Variants in ADAMTS17 observed in about 807,000 individuals in gnomAD.
The protein encoded by ADAMTS17 is ADAM metallopeptidase with thrombospondin type 1 motif 17, also known as A disintegrin and metalloproteinase with thrombospondin motifs 17.
In ADAMTS17, 113 loss-of-function variants were observed where a neutral mutation model predicts 141.5. That is an observed-to-expected ratio of 0.80 (90% CI 0.69 to 0.93). ADAMTS17 has a LOEUF of 0.93. Among genes scored for constraint, ADAMTS17 ranks in the 40% least tolerant of loss-of-function variants. The probability of loss-of-function intolerance (pLI) is 0.00; values close to 1 mark genes in which losing one functional copy is unlikely to be tolerated. For synonymous variants in ADAMTS17, 768 were observed against 630.6 expected (o/e 1.22, Z -3.27); for missense variants, 1,659 against 1,517.9 (o/e 1.09, Z -1.54).
intron 8 of ADAMTS17, among the ~76,000 whole-genome samples, chr15:100,170,477 GT>G (rs2040118500): frequency 6.6e-6 from 1 of 152,168 alleles, no homozygotes; most frequent in Non-Finnish European, 1.5e-5. Context: ...CTACCTCAAA[GT>G]TTCTACCTTT....
Position 100,206,232 on chromosome 15 carries a change from G to C in ADAMTS17, c.1076-6809C>G, listed in dbSNP as rs2041552217. On this transcript the variant is annotated intron_variant, in intron 7 of 21. Transcript: ENST00000268070. ...AGAAAAGCCCTGTCTTCTAGCATTT[G>C]GCATTCAGGAAACACCATGCCCTGA... 2.0e-5 allele frequency among the ~76,000 whole-genome samples: 3 copies of C among 152,212 alleles called. No homozygotes were observed. The South Asian group carries it at 6.2e-4, about 32-fold the overall frequency.
intron 8 of ADAMTS17, among the ~76,000 whole-genome samples, chr15:100,176,327 C>T (rs1043594147): frequency 6.6e-6 from 1 of 152,112 alleles, no homozygotes; most frequent in African/African-American, 2.4e-5. Flanking sequence ...CATTAAGGAG[C>T]ACAGGTTCTC....
chr15:100,341,120 C>T lies in ADAMTS17; in HGVS notation c.369G>A (p.Glu123=). ...GCACACGGCCCGAGTAGAAGCACAG[C>T]TCGGCGGGGCGGCCGCGGCGCCGGG... ...GAARRRGRPA[E]LCFYSGRVLG... The change falls in exon 2 of 22, where the codon GAG becomes GAA. Residue 123 remains glutamate (E), a synonymous_variant. Transcript: ENST00000268070. The T allele has an allele frequency of 4.1e-6, 6 of 1,448,922 alleles. No homozygotes were observed. The highest frequency in any genetic ancestry group is 5.4e-6 in the Non-Finnish European group (6 of 1,109,880). 89.8% of individuals were successfully genotyped at this position (1,448,922 alleles called of 1,614,324 possible). A position where few individuals can be genotyped will look rare whatever the true frequency, so the allele number is the denominator to read the frequency against.
chr15:100,067,549 T>C (rs1223702527), intron 15 of ADAMTS17, among the ~76,000 whole-genome samples: 2 of 151,806 alleles, frequency 1.3e-5, no homozygotes, highest in African/African-American at 4.9e-5. Flanking sequence ...CACAAAGCTA[T>C]ATTATTAGTA....
chr15:100,254,168 C>G lies in ADAMTS17; in HGVS notation c.1043G>C (p.Cys348Ser). Reference sequence around the variant, plus strand: ...GTCACACGGTTCATCCTTGTGTACACAGAAATCTGTCCTAAAAAATAAAAA... The same window carrying G: ...GTCACACGGTTCATCCTTGTGTACAGAGAAATCTGTCCTAAAAAATAAAAA... Reference protein sequence around the residue: ...AAVFVTRTDFCVHKDEPCDTV... With the variant: ...AAVFVTRTDFSVHKDEPCDTV... The change falls in exon 7 of 22, where the codon TGT (cysteine) becomes TCT (serine). Residue 348 changes from cysteine (C) to serine (S), a missense_variant. Physicochemically the swap from Cys to Ser is moderately radical, Grantham distance 112. Transcript: ENST00000268070. The G allele has an allele frequency of 6.2e-7, 1 of 1,613,344 alleles. No homozygotes were observed. Among genetic ancestry groups the G allele is most frequent in the Non-Finnish European group, 8.5e-7 (1 of 1,179,326 alleles).
chr15:100,100,175 C>T (rs1171783980), intron 14 of ADAMTS17, among the ~76,000 whole-genome samples: 4 of 151,870 alleles, frequency 2.6e-5, no homozygotes, highest in Admixed American at 1.3e-4. Context: ...CAAGCAGACA[C>T]CCCAGAGTGT....
At chr15:100,211,069 C>G (rs1398674816) in intron 7 of ADAMTS17, among the ~76,000 whole-genome samples, 1 of 151,212 alleles carries the variant, frequency 6.6e-6, no homozygotes, top group African/African-American at 2.4e-5. Context: ...CACTGCACTC[C>G]AGCCTGGGTG....
chr15:100,066,912 G>A (rs12910953), intron 15 of ADAMTS17, among the ~76,000 whole-genome samples: 2 of 22,442 alleles, frequency 8.9e-5, no homozygotes, highest in African/African-American at 7.6e-5. Context: ...GATATTGAGA[G>A]GGCAGCCATC....
chr15:100,085,421 A>G (rs1421587487), intron 15 of ADAMTS17, among the ~76,000 whole-genome samples: 1 of 143,050 alleles, frequency 7.0e-6, no homozygotes, highest in Non-Finnish European at 1.5e-5. Flanking sequence ...AACACTCTGC[A>G]GGATATTATC....
At chr15:100,263,010 A>T (rs1468651736) in intron 4 of ADAMTS17, among the ~76,000 whole-genome samples, 1 of 152,242 alleles carries the variant, frequency 6.6e-6, no homozygotes, top group East Asian at 1.9e-4. Context: ...GTGCAAACAT[A>T]CATATACAGT....
chr15:100,051,493 T>C, intron 17 of ADAMTS17, 79 bp downstream of exon 17: 2 of 1,600,052 alleles, frequency 1.2e-6, no homozygotes, highest in Non-Finnish European at 1.7e-6. Context: ...TCTCACACTC[T>C]GCGTGCTGGC....
intron 7 of ADAMTS17, among the ~76,000 whole-genome samples, chr15:100,229,477 G>A (rs1190714345): frequency 6.6e-6 from 1 of 152,114 alleles, no homozygotes; most frequent in Non-Finnish European, 1.5e-5. Context: ...GTTCTATGAC[G>A]CACAGTGGTT....
intron 3 of ADAMTS17, among the ~76,000 whole-genome samples, chr15:100,317,536 C>G (rs8029814): frequency 0.04 from 6,126 of 152,154 alleles, 225 homozygotes; most frequent in African/African-American, 0.093. Flanking sequence ...CCAGATCCCT[C>G]CAGATGAGCC....
chr15:100,096,592 T>C, intron 14 of ADAMTS17, 116 bp from the exon 15 acceptor site: 1 of 1,361,626 alleles, frequency 7.3e-7, no homozygotes, highest in Non-Finnish European at 1.0e-6. Flanking sequence ...CCTGGGGCCC[T>C]GATCCATTCA....
chr15:100,233,781 G>C (rs1397088551), intron 7 of ADAMTS17, among the ~76,000 whole-genome samples: 1 of 151,926 alleles, frequency 6.6e-6, no homozygotes, highest in Non-Finnish European at 1.5e-5. Flanking sequence ...GAGTGTGCCG[G>C]GCCCAGGAAG....
intron 18 of ADAMTS17, among the ~76,000 whole-genome samples, chr15:100,011,650 T>C (rs1390299776): frequency 1.3e-5 from 2 of 152,216 alleles, no homozygotes; most frequent in Non-Finnish European, 2.9e-5. Flanking sequence ...GCATTGATCC[T>C]ATAAAGATCC....
chr15:100,164,374 G>A (rs1295392792), intron 8 of ADAMTS17, among the ~76,000 whole-genome samples: 1 of 133,070 alleles, frequency 7.5e-6, no homozygotes, highest in African/African-American at 2.9e-5. Flanking sequence ...GACTAAACAG[G>A]GATAATAATA....
chr15:100,061,096 G>A (rs958504406), intron 15 of ADAMTS17, among the ~76,000 whole-genome samples: 3 of 152,178 alleles, frequency 2.0e-5, no homozygotes, highest in Admixed American at 6.5e-5. Flanking sequence ...ACCCCAAGAC[G>A]TTAAACCAAT....
Position 100,121,099 on chromosome 15 carries a change from G to T in ADAMTS17, c.1722-4086C>A, listed in dbSNP as rs1024571596. Among the ~76,000 whole-genome samples, 4 of 152,322 alleles carry T rather than the reference G, an allele frequency of 2.6e-5. No homozygotes were observed. In the East Asian group the frequency reaches 7.7e-4, roughly 29 times the overall value. Reference sequence around the variant, plus strand: ...ATGAAAAATCCACCAGTTCAGAGAAGATTTTAGCAGGCAGAAGAAAGAATT... The same window carrying T: ...ATGAAAAATCCACCAGTTCAGAGAATATTTTAGCAGGCAGAAGAAAGAATT... On this transcript the variant is annotated intron_variant, in intron 12 of 21. Coordinates refer to ENST00000268070, the MANE Select transcript of ADAMTS17 (RefSeq NM_139057.4).
Sources: allele counts gnomAD v4.1 joint callset (sites outside exome capture counted in the v4.1 genomes callset), GRCh38; gene constraint gnomAD v4.1.1; transcripts MANE v1.5; gene names NCBI Gene and HGNC (gene_info 2026-07-23, HGNC 2026-07-21).